Variants in LAD1 observed in about 807,000 individuals in gnomAD.
LAD1 encodes the protein ladinin 1, also known as ladinin-1.
LAD1 carries 53 observed loss-of-function variants against 54.2 expected under a neutral mutation model. The ratio of observed to expected loss-of-function variants is 0.98; its 90% CI spans 0.78 to 1.23. The LOEUF (loss-of-function observed/expected upper bound fraction) is 1.23, where lower values mean the gene tolerates loss of function less well. Ranked by LOEUF, LAD1 falls within the 50% of genes most tolerant of loss-of-function variation. LAD1 has a pLI of 0.00. For synonymous variants in LAD1, 231 were observed against 257.7 expected, an observed-to-expected ratio of 0.90 and a Z score of 0.99; for missense variants, 637 against 653.3, an observed-to-expected ratio of 0.98 and a Z score of 0.27.
intron 1 of LAD1, among the ~76,000 whole-genome samples, chr1:201,395,494 T>C (rs1170848556): frequency 2.6e-5 from 4 of 152,156 alleles, no homozygotes; most frequent in African/African-American, 9.7e-5. Context: ...TGGCTCATGC[T>C]TGTAATCCCA....
chr1:201,386,284 T>C (rs1272605630), intron 3 of LAD1, 51 bp downstream of exon 3: 2 of 1,271,514 alleles, frequency 1.6e-6, no homozygotes. Flanking sequence ...TGGCCGGCAG[T>C]GCCAGCCAGG....
chr1:201,397,366 G>C (rs186701378), intron 1 of LAD1: 1 of 152,484 alleles, frequency 6.6e-6, no homozygotes, highest in East Asian at 1.9e-4. Context: ...GCTGGGACCC[G>C]GCAGGGAGGG....
At chr1:201,391,340 A>G (rs1334632344) in intron 1 of LAD1, 3 of 358,446 alleles carry the variant, frequency 8.4e-6, no homozygotes, top group South Asian at 2.1e-5. Context: ...CAGTCTATCC[A>G]TCTACTACTC....
intron 7 of LAD1, 87 bp from the exon 8 acceptor site, chr1:201,382,826 C>G: frequency 9.5e-7 from 1 of 1,052,684 alleles, no homozygotes. Context: ...ATAGGACTCT[C>G]CCTCACTCCC....
rs1434503197 is a variant in LAD1, at chr1:201,399,316, G to A, written c.-10C>T. On this transcript the variant is annotated 5_prime_UTR_variant, in exon 1 of 10. Transcript: ENST00000391967. ...TCCTGCTGACAGCCATGCTGCAGGA[G>A]CCCCGCGTGGCCGCCCGCGCCCCGC... is the stretch of plus-strand genomic sequence containing the variant. 9.1e-6 allele frequency: 14 copies of A among 1,533,470 alleles called. No individual in the cohort carries two copies. Among genetic ancestry groups the A allele is most frequent in the Non-Finnish European group, 1.2e-5 (14 of 1,143,396 alleles). The allele number at this position is 1,533,470 out of a possible 1,614,324, so 95.0% of individuals were successfully genotyped here.
At chr1:201,392,629 C>G (rs1361241461) in intron 1 of LAD1, among the ~76,000 whole-genome samples, 2 of 152,122 alleles carry the variant, frequency 1.3e-5, no homozygotes, top group Non-Finnish European at 2.9e-5. Context: ...GAGTGGCCCA[C>G]AGGGAAGCTG....
At chr1:201,387,584 G>C (rs1351930909) in intron 2 of LAD1, among the ~76,000 whole-genome samples, 1 of 152,118 alleles carries the variant, frequency 6.6e-6, no homozygotes, top group Non-Finnish European at 1.5e-5. Context: ...GCTGATTCGT[G>C]GGGGAGCTGG....
Position 201,399,278 on chromosome 1 carries a change from G to T in LAD1, c.29C>A (p.Ala10Glu). The change falls in exon 1 of 10, where the codon GCG becomes GAG. Residue 10 changes from alanine to glutamate, a missense_variant. Ala to Glu is a moderately radical substitution (Grantham distance 107). Coordinates refer to ENST00000391967, the MANE Select transcript of LAD1 (RefSeq NM_005558.4). ...TCCCTCCGGCGCTCACCTGGACAGC[G>T]CGGACCAGTCCTTCCTGCTGACAGC... MAVSRKDWS[A>E]LSSLARQRTL... is the part of the protein sequence containing the mutation. The T allele has an allele frequency of 6.5e-7, 1 of 1,550,214 alleles. No homozygotes were observed. Among genetic ancestry groups the T allele is most frequent in the East Asian group, 2.4e-5 (1 of 42,030 alleles).
intron 4 of LAD1, among the ~76,000 whole-genome samples, 191 bp downstream of exon 4, chr1:201,385,510 C>A (rs990722408): frequency 2.0e-5 from 3 of 152,208 alleles, no homozygotes; most frequent in African/African-American, 7.2e-5. Context: ...GGCACCTACC[C>A]CCCAGGTTAC....
chr1:201,386,851 C>A lies in LAD1; in HGVS notation c.510G>T (p.Lys170Asn). 1 of 1,612,846 alleles carries A rather than the reference C, an allele frequency of 6.2e-7. No individual in the cohort carries two copies. The highest frequency in any genetic ancestry group is 8.5e-7 in the Non-Finnish European group (1 of 1,179,852). Residue 170 changes from lysine (K) to asparagine (N), a missense_variant, in exon 3 of 10, where the codon AAG (lysine) becomes AAT (asparagine). Physicochemically the swap from Lys to Asn is moderately conservative, Grantham distance 94 (BLOSUM62 0). Coordinates refer to ENST00000391967, the MANE Select transcript of LAD1 (RefSeq NM_005558.4). Reference protein sequence around the residue: ...SLVGREPEERKKGVPEKSPVL... With the variant: ...SLVGREPEERNKGVPEKSPVL... ...CTGGGGACTTTTCTGGAACCCCTTT[C>A]TTCCTCTCTTCTGGCTCCCTGCCCA... is the stretch of plus-strand genomic sequence containing the variant.
At chr1:201,384,891 C>T (rs1481518110) in intron 4 of LAD1, 56 bp from the exon 5 acceptor site, 2 of 1,575,208 alleles carry the variant, frequency 1.3e-6, no homozygotes, top group South Asian at 1.1e-5. Flanking sequence ...ATCGGTGGCC[C>T]CCTCGAGTGA....
At chr1:201,382,437 G>T (rs1661981438) in intron 8 of LAD1, 111 bp from the exon 9 acceptor site, 1 of 952,740 alleles carries the variant, frequency 1.0e-6, no homozygotes, top group Non-Finnish European at 1.7e-6. Context: ...TCCCAAAAGA[G>T]AAAAGGAACC....
At chr1:201,385,952 T>G (rs1420737215) in intron 3 of LAD1, 147 bp from the exon 4 acceptor site, 2 of 667,988 alleles carry the variant, frequency 3.0e-6, no homozygotes, top group African/African-American at 3.6e-5. Context: ...CTTCATCTGC[T>G]GTGGGAGTGG....
intron 1 of LAD1, among the ~76,000 whole-genome samples, chr1:201,397,471 C>T (rs1341846212): frequency 6.6e-6 from 1 of 152,166 alleles, no homozygotes; most frequent in Non-Finnish European, 1.5e-5. Context: ...CACATGAGTC[C>T]ATGTCCATCT....
At position 201,383,500 on chromosome 1, in the gene LAD1, G is replaced by T. The variant is rs534283240; in HGVS notation, c.1176-111C>A. ...TCACACGTTCTCATTGTGGCCAAGA[G>T]AATGTGGCCCTCCATCACACAGCAG... On this transcript the variant is annotated intron_variant, in intron 5 of 9. Coordinates refer to ENST00000391967, the MANE Select transcript of LAD1 (RefSeq NM_005558.4). 6.9e-6 allele frequency: 7 copies of T among 1,010,448 alleles called. No homozygotes were observed. The South Asian group carries it at 9.0e-5, about 13-fold the overall frequency. 62.6% of individuals were successfully genotyped at this position (1,010,448 alleles called of 1,614,324 possible).
chr1:201,392,221 G>A (rs10920191), intron 1 of LAD1, among the ~76,000 whole-genome samples: 12,295 of 152,294 alleles, frequency 0.081, 1,030 homozygotes, highest in African/African-American at 0.21. Context: ...TCTAGGTCCA[G>A]CATCCCCTGG....
At chr1:201,382,429 C>T (rs1348710034) in intron 8 of LAD1, 103 bp from the exon 9 acceptor site, 1 of 1,013,208 alleles carries the variant, frequency 9.9e-7, no homozygotes, top group Non-Finnish European at 1.5e-6. Context: ...CTTTCTCTTC[C>T]CAAAAGAGAA....
At chr1:201,385,337 C>T (rs1422986124) in intron 4 of LAD1, among the ~76,000 whole-genome samples, 1 of 152,218 alleles carries the variant, frequency 6.6e-6, no homozygotes, top group Non-Finnish European at 1.5e-5. Context: ...GAGAGCCTTG[C>T]TGCTCTCTGT....
chr1:201,382,893 G>T (rs1390732215), intron 7 of LAD1, 154 bp from the exon 8 acceptor site: 1 of 980,458 alleles, frequency 1.0e-6, no homozygotes, highest in African/African-American at 1.6e-5. Flanking sequence ...CTTCCCCCAG[G>T]GAGCTGTGTG....
Sources: allele counts gnomAD v4.1 joint callset (sites outside exome capture counted in the v4.1 genomes callset), GRCh38; gene constraint gnomAD v4.1.1; transcripts MANE v1.5; gene names NCBI Gene and HGNC (gene_info 2026-07-23, HGNC 2026-07-21).